The following ANKAR variants were observed in gnomAD, a reference collection of about 807,000 sequenced individuals.
ANKAR encodes ankyrin and armadillo repeat containing.
A neutral mutation model predicts 146.2 loss-of-function variants in ANKAR; 136 were observed. The ratio of observed to expected loss-of-function variants is 0.93; its 90% CI spans 0.81 to 1.07. ANKAR has a LOEUF of 1.07. ANKAR is among the 50% of genes least tolerant of loss of function. The probability of loss-of-function intolerance (pLI) is 0.00; values close to 1 mark genes in which losing one functional copy is unlikely to be tolerated. For missense variants in ANKAR, 1,567 were observed against 1,679.9 expected (o/e 0.93, Z 1.18); for synonymous variants, 500 against 575.8 (o/e 0.87, Z 1.88).
intron 16 of ANKAR, among the ~76,000 whole-genome samples, chr2:189,732,635 T>C (rs2042514367): frequency 8.5e-6 from 1 of 117,332 alleles, no homozygotes; most frequent in Non-Finnish European, 1.6e-5. Flanking sequence ...TACTCCAGCC[T>C]GGGCAACAGA....
chr2:189,675,145 T>C (rs1447005955), intron 1 of ANKAR, among the ~76,000 whole-genome samples: 1 of 152,166 alleles, frequency 6.6e-6, no homozygotes, highest in Non-Finnish European at 1.5e-5. Flanking sequence ...AACTCAGTGG[T>C]GGGATTCAGC....
At chr2:189,704,021 A>G (rs1441346483) in intron 7 of ANKAR, among the ~76,000 whole-genome samples, 1 of 152,188 alleles carries the variant, frequency 6.6e-6, no homozygotes, top group Non-Finnish European at 1.5e-5. Flanking sequence ...GAGCCAAACC[A>G]TATCAGGTAG....
chr2:189,758,713 C>G (rs891298999), intron 18 of ANKAR, among the ~76,000 whole-genome samples: 1 of 152,214 alleles, frequency 6.6e-6, no homozygotes, highest in South Asian at 2.1e-4. Context: ...GTGTTAGGCA[C>G]TAGGCATAGC....
At chr2:189,692,554 C>G in intron 4 of ANKAR, 136 bp downstream of exon 4, 1 of 738,248 alleles carries the variant, frequency 1.4e-6, no homozygotes, top group Non-Finnish European at 2.1e-6. Context: ...ATAATTTTTT[C>G]ATACATTATT....
chr2:189,745,289 T>A (rs529035237), intron 22 of ANKAR, among the ~76,000 whole-genome samples: 1 of 152,134 alleles, frequency 6.6e-6, no homozygotes, highest in South Asian at 2.1e-4. Context: ...TACAAGCCCA[T>A]ATTGATCATT....
chr2:189,720,787 G>T lies in ANKAR; in HGVS notation c.2635G>T (p.Asp879Tyr). The change falls in exon 12 of 23, where the codon GAT (aspartate) becomes TAT (tyrosine). Residue 879 changes from aspartate to tyrosine, a missense_variant and splice_region_variant. Coordinates refer to ENST00000684021, the MANE Select transcript of ANKAR (RefSeq NM_001378068.1). ...YLIRFLSSDS[D>Y]VLKAVSSAAI... ...TATCAGATTTCTGAGTTCTGATTCA[G>T]GTGAGCTTCTATCTCTGTATTATTT... 1 of 1,472,390 alleles carries T rather than the reference G, an allele frequency of 6.8e-7. No individual in the cohort carries two copies. The highest frequency in any genetic ancestry group is 1.5e-5 in the South Asian group (1 of 64,602). 91.2% of individuals were successfully genotyped at this position (1,472,390 alleles called of 1,614,324 possible). A position where few individuals can be genotyped will look rare whatever the true frequency, so the allele number is the denominator to read the frequency against.
intron 3 of ANKAR, 144 bp from the exon 4 acceptor site, chr2:189,692,111 A>G: frequency 1.6e-6 from 1 of 640,196 alleles, no homozygotes; most frequent in Non-Finnish European, 2.6e-6. Flanking sequence ...CAGCATAAAT[A>G]ATTTTATGCA....
downstream of ANKAR, among the ~76,000 whole-genome samples, chr2:189,761,946 TAG>T (rs1483266582): frequency 4.6e-5 from 7 of 152,210 alleles, no homozygotes; most frequent in Admixed American, 3.3e-4. Flanking sequence ...CAATAATTGA[TAG>T]AGTCCTCTGA....
chr2:189,679,510 G>C (rs2034297182), intron 2 of ANKAR, among the ~76,000 whole-genome samples: 1 of 152,186 alleles, frequency 6.6e-6, no homozygotes, highest in South Asian at 2.1e-4. Flanking sequence ...TTGAATAGAA[G>C]TGGTGAGAGT....
At chr2:189,761,670 A>G, downstream of ANKAR, 1 of 1,500,706 alleles carries the variant, frequency 6.7e-7, no homozygotes, top group Non-Finnish European at 8.9e-7. Context: ...CCTGAAAAAG[A>G]ATTACAGAAA....
At chr2:189,685,027 A>G (rs2035340677) in intron 2 of ANKAR, among the ~76,000 whole-genome samples, 1 of 151,626 alleles carries the variant, frequency 6.6e-6, no homozygotes, top group African/African-American at 2.4e-5. Flanking sequence ...TTTTAAAGGG[A>G]CAAGCTCTTA....
chr2:189,735,024 A>AAT (rs758240297), intron 17 of ANKAR, among the ~76,000 whole-genome samples: 20 of 149,960 alleles, frequency 1.3e-4, no homozygotes, highest in South Asian at 6.2e-4. Context: ...ATATATATAA[A>AAT]ATATATATAT....
At position 189,720,724 on chromosome 2, in the gene ANKAR, C is replaced by T; in HGVS notation, c.2572C>T (p.Gln858Ter). The change falls in exon 12 of 23, where the codon CAA becomes TAA. Residue 858 changes from glutamine (Q) to a stop codon, truncating the protein, a stop_gained. Coordinates refer to ENST00000684021, the MANE Select transcript of ANKAR (RefSeq NM_001378068.1). LOFTEE classifies it high-confidence loss of function. ...RVLCIGNENN[Q>*]RAVREHKGLP... ...ATTGTGTATAGGAAATGAAAACAATCAAAGAGCTGTGAGAGAACATAAAGG... is the reference window on the plus strand; with the variant it reads ...ATTGTGTATAGGAAATGAAAACAATTAAAGAGCTGTGAGAGAACATAAAGG... The T allele has an allele frequency of 6.6e-7, 1 of 1,521,782 alleles. No individual in the cohort carries two copies. The highest frequency in any genetic ancestry group is 8.8e-7 in the Non-Finnish European group (1 of 1,139,466). The allele number at this position is 1,521,782 out of a possible 1,614,324, so 94.3% of individuals were successfully genotyped here.
At position 189,728,421 on chromosome 2, in the gene ANKAR, G is replaced by C. The variant is rs2042086252; in HGVS notation, c.3031+1G>C. 1 of 1,586,326 alleles carries C rather than the reference G, an allele frequency of 6.3e-7. No homozygotes were observed. Among genetic ancestry groups the C allele is most frequent in the African/African-American group, 1.4e-5 (1 of 69,290 alleles). On this transcript the variant is annotated splice_donor_variant, in intron 14 of 22. Coordinates refer to ENST00000684021, the MANE Select transcript of ANKAR (RefSeq NM_001378068.1). LOFTEE classifies it high-confidence loss of function. ...CCATCAGCTAAAATGCAGTATGTTG[G>C]TAAGTTATTTTCCTTATTTTATTTT...
intron 13 of ANKAR, 55 bp from the exon 14 acceptor site, chr2:189,728,212 T>G: frequency 6.5e-7 from 1 of 1,527,246 alleles, no homozygotes; most frequent in Middle Eastern, 1.8e-4. Flanking sequence ...AAAATATGCA[T>G]TCCTAAAATG....
intron 10 of ANKAR, among the ~76,000 whole-genome samples, chr2:189,717,620 A>G (rs1456190805): frequency 6.6e-6 from 1 of 152,230 alleles, no homozygotes; most frequent in Non-Finnish European, 1.5e-5. Flanking sequence ...TCATGCTGCT[A>G]TAAAGACACA....
downstream of ANKAR, chr2:189,750,624 A>G: frequency 6.3e-7 from 1 of 1,592,088 alleles, no homozygotes; most frequent in Non-Finnish European, 8.6e-7. Flanking sequence ...AGCTTCTCCA[A>G]CTTCTTTTGA....
intron 7 of ANKAR, among the ~76,000 whole-genome samples, chr2:189,698,844 T>TA (rs758870093): frequency 1.3e-5 from 2 of 152,074 alleles, no homozygotes; most frequent in Non-Finnish European, 2.9e-5. Flanking sequence ...GCCAGGGTGG[T>TA]AAAGGAGGTG....
chr2:189,686,324 G>T (rs968632361), intron 2 of ANKAR, among the ~76,000 whole-genome samples: 8 of 152,072 alleles, frequency 5.3e-5, no homozygotes, highest in South Asian at 4.1e-4. Flanking sequence ...CATGTCTTAC[G>T]ACTACAAGCA....
Sources: gnomAD v4.1 joint callset for allele counts (sites outside exome capture counted in the v4.1 genomes callset) on GRCh38, gnomAD v4.1.1 for gene constraint, MANE v1.5 for transcripts, NCBI Gene and HGNC (gene_info 2026-07-23, HGNC 2026-07-21) for gene names.